CD96: variants seen among roughly 807,000 people sequenced by gnomAD.
The protein encoded by CD96 is T-cell surface protein tactile.
CD96 carries 70 observed loss-of-function variants against 71.3 expected under a neutral mutation model. That is an observed-to-expected ratio of 0.98 (90% confidence interval 0.81 to 1.20). The LOEUF is 1.20. CD96 is among the 50% of genes most tolerant of loss of function. The probability of loss-of-function intolerance (pLI) is 0.00; values close to 1 mark genes in which losing one functional copy is unlikely to be tolerated. For synonymous variants in CD96, 248 were observed against 233.0 expected (o/e 1.06, Z -0.59); for missense variants, 742 against 677.5 (o/e 1.10, Z -1.06).
At chr3:111,622,393 A>G (rs1938556837) in intron 8 of CD96, among the ~76,000 whole-genome samples, 1 of 152,182 alleles carries the variant, frequency 6.6e-6, no homozygotes, top group Non-Finnish European at 1.5e-5. Context: ...CATGTCAGGC[A>G]CTCTTCTAAG....
At chr3:111,652,447 G>A (rs1176896505), downstream of CD96, 2 of 152,052 alleles carry the variant, frequency 1.3e-5, no homozygotes, top group Admixed American at 6.5e-5. Flanking sequence ...GAGTGGCAGA[G>A]TTAGGAGTAG....
intron 3 of CD96, among the ~76,000 whole-genome samples, chr3:111,574,257 G>A (rs1936122424): frequency 1.3e-5 from 2 of 152,148 alleles, no homozygotes; most frequent in African/African-American, 4.8e-5. Flanking sequence ...AACATCCCAA[G>A]TCTGAAAACC....
rs146291813 is a variant in CD96 at position 111,585,228 on chromosome 3, A to G, written c.752-95A>G. 786 of 525,322 alleles carry G rather than the reference A, an allele frequency of 1.5e-3. 11 individuals are homozygous for G. The East Asian group carries it at 0.025, about 17-fold the overall frequency. The allele number at this position is 525,322 out of a possible 1,614,324, so 32.5% of individuals were successfully genotyped here. On this transcript the variant is annotated intron_variant, in intron 4 of 13. Coordinates refer to ENST00000352690, the MANE Select transcript of CD96 (RefSeq NM_005816.5). ...ATTTATAAATATTAATATTTAATGA[A>G]TGAAGATGCTTATAGACACACACAC...
chr3:111,664,566 C>A (rs952543670), intron 14 of CD96, among the ~76,000 whole-genome samples: 3 of 152,136 alleles, frequency 2.0e-5, no homozygotes, highest in African/African-American at 7.2e-5. Context: ...GTACCATGCT[C>A]ACTACCTAAA....
chr3:111,654,673 A>G (rs1017466920), downstream of CD96, among the ~76,000 whole-genome samples: 4 of 152,230 alleles, frequency 2.6e-5, no homozygotes, highest in Non-Finnish European at 4.4e-5. Context: ...AACAAACCCA[A>G]TATCACAACA....
At chr3:111,623,072 C>A (rs1335538430) in intron 8 of CD96, among the ~76,000 whole-genome samples, 3 of 152,208 alleles carry the variant, frequency 2.0e-5, no homozygotes, top group African/African-American at 7.2e-5. Context: ...ACCTTAAATA[C>A]ATTTTGGACC....
chr3:111,544,577 A>G (rs147554498), intron 1 of CD96, among the ~76,000 whole-genome samples: 5 of 152,190 alleles, frequency 3.3e-5, no homozygotes, highest in Non-Finnish European at 5.9e-5. Context: ...CCTTGTAAAC[A>G]TGTATTTTTC....
At chr3:111,603,667 T>A (rs1937550212) in intron 7 of CD96, among the ~76,000 whole-genome samples, 1 of 152,236 alleles carries the variant, frequency 6.6e-6, no homozygotes, top group Non-Finnish European at 1.5e-5. Context: ...ATTTGTTTAT[T>A]AAATGGATTT....
Position 111,647,642 on chromosome 3 carries a change from A to T in CD96, c.1577A>T (p.Lys526Ile). 6.2e-7 allele frequency: 1 copy of T among 1,610,654 alleles called. No individual in the cohort carries two copies. The highest frequency in any genetic ancestry group is 8.5e-7 in the Non-Finnish European group (1 of 1,176,956). The change falls in exon 13 of 14, where the codon AAA (lysine) becomes ATA (isoleucine). Residue 526 changes from lysine (K) to isoleucine (I), a missense_variant. Physicochemically the swap from Lys to Ile is moderately radical, Grantham distance 102. Transcript: ENST00000352690. The stretch of plus-strand genomic sequence containing the variant: ...ATATTGTTTGGTCTTGGAGTGAGAA[A>T]ATGGTGTCAGTACCAAAAAGAAATG... ...CMILFGLGVR[K>I]WCQYQKEIME...
intron 7 of CD96, 117 bp downstream of exon 7, chr3:111,601,031 T>C: frequency 1.5e-6 from 1 of 664,862 alleles, no homozygotes; most frequent in Non-Finnish European, 2.6e-6. Context: ...AAACTTTTTA[T>C]GTAACTCAAA....
chr3:111,652,967 G>T (rs575444546), downstream of CD96, among the ~76,000 whole-genome samples: 4 of 151,400 alleles, frequency 2.6e-5, no homozygotes, highest in African/African-American at 7.3e-5. Context: ...CCATATGTAC[G>T]CATGTTTGTC....
intron 8 of CD96, among the ~76,000 whole-genome samples, chr3:111,617,900 G>A (rs77622864): frequency 0.011 from 1,612 of 152,340 alleles, 35 homozygotes; most frequent in African/African-American, 0.036. Flanking sequence ...GGCCAGGGCT[G>A]TAAAACCCTC....
intron 8 of CD96, among the ~76,000 whole-genome samples, chr3:111,610,882 C>T (rs1179284926): frequency 1.3e-5 from 2 of 152,160 alleles, no homozygotes; most frequent in Non-Finnish European, 2.9e-5. Context: ...AGATGCCAAC[C>T]CGGTGTGGCA....
chr3:111,593,669 T>C (rs892645438), intron 5 of CD96: 3 of 1,611,544 alleles, frequency 1.9e-6, no homozygotes, highest in African/African-American at 1.3e-5. Flanking sequence ...CAGGGCTCGC[T>C]CCCTTTTTTC....
intron 7 of CD96, among the ~76,000 whole-genome samples, chr3:111,602,554 T>C (rs957048867): frequency 6.6e-6 from 1 of 152,230 alleles, no homozygotes; most frequent in Admixed American, 6.5e-5. Context: ...CATCCCATTC[T>C]GGCATATATC....
chr3:111,642,021 C>T (rs1004453476), intron 12 of CD96, among the ~76,000 whole-genome samples: 1 of 152,148 alleles, frequency 6.6e-6, no homozygotes, highest in East Asian at 1.9e-4. Flanking sequence ...AAGTTCACAG[C>T]CCTAAACACC....
In CD96 at chr3:111,650,052, A is replaced by C. The variant is rs1284516047; in HGVS notation, c.*246A>C. ...GCAATTCGTAGTGGTTTTCTTGCTT[A>C]TGTAAGAAGTACATATTAGTCTGCC... On this transcript the variant is annotated 3_prime_UTR_variant, in exon 14 of 14. Coordinates refer to ENST00000352690, the MANE Select transcript of CD96 (RefSeq NM_005816.5). 2.0e-6 allele frequency: 1 copy of C among 505,536 alleles called. No homozygotes were observed. The highest frequency in any genetic ancestry group is 3.7e-5 in the East Asian group (1 of 27,324). 31.3% of individuals were successfully genotyped at this position (505,536 alleles called of 1,614,324 possible).
intron 14 of CD96, among the ~76,000 whole-genome samples, chr3:111,664,880 T>C (rs548729164): frequency 6.6e-6 from 1 of 152,306 alleles, no homozygotes; most frequent in African/African-American, 2.4e-5. Flanking sequence ...AATTAGAATA[T>C]GGACAGATGA....
At chr3:111,608,204 T>C (rs1362890371) in intron 8 of CD96, among the ~76,000 whole-genome samples, 1 of 152,232 alleles carries the variant, frequency 6.6e-6, no homozygotes, top group Non-Finnish European at 1.5e-5. Flanking sequence ...GCACATGGTC[T>C]TCTCTATAGC....
Sources: gnomAD v4.1 joint callset for allele counts (sites outside exome capture counted in the v4.1 genomes callset) on GRCh38, gnomAD v4.1.1 for gene constraint, MANE v1.5 for transcripts, NCBI Gene and HGNC (gene_info 2026-07-23, HGNC 2026-07-21) for gene names.